Variants in ZSCAN18 observed in about 807,000 individuals in gnomAD.
ZSCAN18 encodes the protein zinc finger and SCAN domain-containing protein 18.
In ZSCAN18, 16 loss-of-function variants were observed where a neutral mutation model predicts 31.1. The ratio of observed to expected loss-of-function variants is 0.51; its 90% CI spans 0.35 to 0.78. The LOEUF is 0.78. ZSCAN18 is among the 30% of genes least tolerant of loss of function. ZSCAN18 has a pLI of 0.01. For synonymous variants in ZSCAN18, 375 were observed against 320.7 expected (o/e 1.17, Z -1.81); for missense variants, 731 against 697.4 (o/e 1.05, Z -0.54).
rs1568644004 is a variant in ZSCAN18, at chr19:58,107,641, T to C, written c.130+10626A>G. 4 of 985,352 alleles carry C rather than the reference T, an allele frequency of 4.1e-6. No homozygotes were observed. The South Asian group carries it at 1.4e-4, about 35-fold the overall frequency. 61.0% of individuals were successfully genotyped at this position (985,352 alleles called of 1,614,324 possible). On this transcript the variant is annotated intron_variant, in intron 1 of 1. Coordinates refer to the ZSCAN18 transcript ENST00000595721. The stretch of plus-strand genomic sequence containing the variant: ...CAGGATTTTTTCTTCCATTTATAGA[T>C]GGAAAAACATATTTGTTACTTTCAA...
At chr19:58,087,440 C>T in intron 3 of ZSCAN18, 36 bp from the exon 4 acceptor site, 1 of 1,563,372 alleles carries the variant, frequency 6.4e-7, no homozygotes, top group Non-Finnish European at 8.7e-7. Context: ...AGGCAATGAG[C>T]TCCCTGTGGC....
Position 58,085,213 on chromosome 19 carries a change from C to G in ZSCAN18, c.1005G>C (p.Pro335=). Residue 335 remains proline (P), a synonymous_variant, in exon 7 of 7, where the codon CCG becomes CCC. Transcript: ENST00000601144. ...CGGACTCCGCGTCCTGGGGGTCCTG[C>G]GGGTCCGGGGCCTTCCCAGGCTGCT... ...EEEQPGKAPD[P]QDPQDAESDS... is the part of the protein sequence containing the mutation. 6.2e-7 allele frequency: 1 copy of G among 1,608,828 alleles called. No homozygotes were observed. The highest frequency in any genetic ancestry group is 8.5e-7 in the Non-Finnish European group (1 of 1,179,336).
At chr19:58,101,053 A>G (rs1008548616), upstream of ZSCAN18, among the ~76,000 whole-genome samples, 3 of 151,402 alleles carry the variant, frequency 2.0e-5, no homozygotes, top group Non-Finnish European at 2.9e-5. Flanking sequence ...CCACTGATCT[A>G]TGTGTCTGCC....
At chr19:58,113,605 A>C (rs1407802703) in intron 1 of ZSCAN18, among the ~76,000 whole-genome samples, 1 of 152,172 alleles carries the variant, frequency 6.6e-6, no homozygotes, top group Admixed American at 6.6e-5. Flanking sequence ...TTCCAGCTTG[A>C]CTTTTCTCTT....
intron 1 of ZSCAN18, among the ~76,000 whole-genome samples, chr19:58,104,829 G>C (rs1600005608): frequency 6.6e-6 from 1 of 152,228 alleles, no homozygotes; most frequent in African/African-American, 2.4e-5. Context: ...AGCAGCAAGT[G>C]CTAATGCAGA....
intron 1 of ZSCAN18, among the ~76,000 whole-genome samples, chr19:58,113,728 C>T (rs2146030150): frequency 6.6e-6 from 1 of 152,262 alleles, no homozygotes; most frequent in South Asian, 2.1e-4. Context: ...ACTATAATCC[C>T]AGGACTTTGG....
intron 1 of ZSCAN18, among the ~76,000 whole-genome samples, chr19:58,094,252 A>T (rs1441318336): frequency 2.1e-5 from 3 of 145,660 alleles, no homozygotes; most frequent in Non-Finnish European, 4.6e-5. Flanking sequence ...AAAAAAAAAA[A>T]TAATAATAAT....
intron 2 of ZSCAN18, 118 bp from the exon 3 acceptor site, chr19:58,088,955 C>T (rs2074343880): frequency 5.3e-6 from 5 of 951,150 alleles, no homozygotes; most frequent in African/African-American, 3.3e-5. Flanking sequence ...CCATCCTGCA[C>T]CTCATCTTGG....
At chr19:58,117,046 G>T (rs532401200) in intron 1 of ZSCAN18, among the ~76,000 whole-genome samples, 1 of 151,926 alleles carries the variant, frequency 6.6e-6, no homozygotes, top group South Asian at 2.1e-4. Flanking sequence ...TGCTTTAGGG[G>T]ACATGTGAGA....
At position 58,085,124 on chromosome 19, in the gene ZSCAN18, G is replaced by C. The variant is rs146031504; in HGVS notation, c.1094C>G (p.Ala365Gly). The C allele has an allele frequency of 5.6e-6, 9 of 1,608,060 alleles. No individual in the cohort carries two copies. The highest frequency in any genetic ancestry group is 7.6e-6 in the Non-Finnish European group (9 of 1,177,490). Residue 365 changes from alanine (A) to glycine (G), a missense_variant, in exon 7 of 7, where the codon GCG becomes GGG. Ala to Gly is a moderately conservative substitution (Grantham distance 60). Coordinates refer to ENST00000601144, the MANE Select transcript of ZSCAN18 (RefSeq NM_001145543.2). ...GTGCGGCCTCTTGGTTCCCAGTTTC[G>C]CCGTGCCCCTGTCCGGGGCAGGCTG... Reference protein sequence around the residue: ...IQQPAPDRGTAKLGTKRPHPE... With the variant: ...IQQPAPDRGTGKLGTKRPHPE...
intron 1 of ZSCAN18, among the ~76,000 whole-genome samples, chr19:58,117,594 A>C (rs73939248): frequency 0.011 from 1,725 of 152,194 alleles, 42 homozygotes; most frequent in African/African-American, 0.039. Flanking sequence ...CACGGGAAGC[A>C]GAATAGGTTG....
intron 1 of ZSCAN18, among the ~76,000 whole-genome samples, chr19:58,095,720 G>T (rs983723165): frequency 6.6e-6 from 1 of 152,172 alleles, no homozygotes; most frequent in East Asian, 1.9e-4. Flanking sequence ...GACAGTGGGG[G>T]ACACATGTCA....
intron 1 of ZSCAN18, among the ~76,000 whole-genome samples, chr19:58,092,145 G>T (rs1247799490): frequency 6.6e-6 from 1 of 152,168 alleles, no homozygotes; most frequent in East Asian, 1.9e-4. Flanking sequence ...AATGGGTACA[G>T]GATTTCTTCT....
chr19:58,091,225 G>A (rs1024780163), intron 1 of ZSCAN18, among the ~76,000 whole-genome samples: 10 of 146,296 alleles, frequency 6.8e-5, no homozygotes, highest in South Asian at 4.3e-4. Flanking sequence ...CCGAGACTGC[G>A]TCACTGCACT....
chr19:58,117,390 A>G (rs2074738838), intron 1 of ZSCAN18, among the ~76,000 whole-genome samples: 1 of 152,238 alleles, frequency 6.6e-6, no homozygotes, highest in East Asian at 1.9e-4. Context: ...AGGAAGGGCA[A>G]GTCAGTGGAG....
chr19:58,087,144 G>A, intron 4 of ZSCAN18, 136 bp from the exon 5 acceptor site: 1 of 977,848 alleles, frequency 1.0e-6, no homozygotes, highest in East Asian at 2.6e-5. Flanking sequence ...GCAGGAGGCA[G>A]CCCCCTTCGC....
intron 6 of ZSCAN18, 186 bp downstream of exon 6, chr19:58,085,988 G>T (rs907078338): frequency 8.2e-6 from 5 of 609,188 alleles, no homozygotes; most frequent in Non-Finnish European, 1.5e-5. Context: ...GGGGTGGTCT[G>T]TCATGCAGCA....
At chr19:58,102,762 C>T (rs1486953696), upstream of ZSCAN18, among the ~76,000 whole-genome samples, 1 of 152,152 alleles carries the variant, frequency 6.6e-6, no homozygotes, top group Non-Finnish European at 1.5e-5. Context: ...TCATTCAATT[C>T]CTCCTTCTGA....
chr19:58,099,864 G>T (rs2074577490), upstream of ZSCAN18, among the ~76,000 whole-genome samples: 2 of 151,496 alleles, frequency 1.3e-5, no homozygotes, highest in South Asian at 4.2e-4. Context: ...ACACTTTAAT[G>T]ATTTTTTTGG....
Sources: gnomAD v4.1 joint callset for allele counts (sites outside exome capture counted in the v4.1 genomes callset) on GRCh38, gnomAD v4.1.1 for gene constraint, MANE v1.5 for transcripts, NCBI Gene and HGNC (gene_info 2026-07-23, HGNC 2026-07-21) for gene names.